The following LRBA variants were observed in gnomAD, a reference collection of about 807,000 sequenced individuals.
The protein encoded by LRBA is lipopolysaccharide-responsive and beige-like anchor protein.
A neutral mutation model predicts 330.0 loss-of-function variants in LRBA; 176 were observed. The ratio of observed to expected loss-of-function variants is 0.53; its 90% confidence interval spans 0.47 to 0.60. The LOEUF (loss-of-function observed/expected upper bound fraction) is 0.60, where lower values mean the gene tolerates loss of function less well. Ranked by LOEUF, LRBA falls within the 20% of genes least tolerant of loss-of-function variation. The probability of loss-of-function intolerance (pLI) is 0.00; values close to 1 mark genes in which losing one functional copy is unlikely to be tolerated. For missense variants in LRBA, 3,259 were observed against 3,444.8 expected (o/e 0.95, Z 1.35); for synonymous variants, 1,230 against 1,193.0 (o/e 1.03, Z -0.64).
At chr4:150,681,018 A>G (rs1350463848) in intron 37 of LRBA, among the ~76,000 whole-genome samples, 1 of 152,236 alleles carries the variant, frequency 6.6e-6, no homozygotes, top group African/African-American at 2.4e-5. Flanking sequence ...TGAAATTTCT[A>G]AATATTCTAA....
intron 40 of LRBA, among the ~76,000 whole-genome samples, chr4:150,564,451 C>T (rs543708332): frequency 1.3e-5 from 2 of 152,222 alleles, no homozygotes; most frequent in Admixed American, 1.3e-4. Flanking sequence ...AAAACCTAGG[C>T]AATACCATTC....
chr4:150,516,310 C>T (rs1404044539), intron 40 of LRBA, among the ~76,000 whole-genome samples: 2 of 130,116 alleles, frequency 1.5e-5, no homozygotes, highest in South Asian at 2.4e-4. Context: ...AACACATATG[C>T]AAAGCACCTA....
intron 34 of LRBA, among the ~76,000 whole-genome samples, chr4:150,781,825 A>G (rs1195954727): frequency 6.6e-6 from 1 of 152,114 alleles, no homozygotes; most frequent in East Asian, 1.9e-4. Context: ...TCCTACTTTA[A>G]AAGTAGGGAC....
At chr4:150,506,781 T>A (rs1406792347) in intron 40 of LRBA, among the ~76,000 whole-genome samples, 1 of 152,104 alleles carries the variant, frequency 6.6e-6, no homozygotes, top group Non-Finnish European at 1.5e-5. Context: ...AAAGAGGAAG[T>A]CAAACTGCCC....
chr4:150,367,531 C>A (rs1034006273), intron 47 of LRBA, among the ~76,000 whole-genome samples: 1 of 152,192 alleles, frequency 6.6e-6, no homozygotes, highest in Non-Finnish European at 1.5e-5. Flanking sequence ...ACCCCTCCCC[C>A]AAAAACAGGT....
intron 37 of LRBA, among the ~76,000 whole-genome samples, chr4:150,661,290 G>T (rs192580426): frequency 1.9e-3 from 287 of 151,396 alleles, no homozygotes; most frequent in Non-Finnish European, 2.7e-3. Context: ...GGGCAACATG[G>T]TAAGACCCCA....
chr4:150,843,972 C>A, intron 28 of LRBA, 128 bp downstream of exon 28: 2 of 562,436 alleles, frequency 3.6e-6, no homozygotes, highest in Admixed American at 5.2e-5. Flanking sequence ...CAAAAGAAGT[C>A]GTTTCTAGAC....
intron 40 of LRBA, among the ~76,000 whole-genome samples, chr4:150,528,500 CAAA>C (rs5862924): frequency 1.2e-4 from 16 of 135,890 alleles, no homozygotes; most frequent in Non-Finnish European, 1.2e-4. Context: ...GACTTCATCT[CAAA>C]AAAAAAAAAA....
chr4:150,895,457 C>T (rs565543678), intron 16 of LRBA, among the ~76,000 whole-genome samples: 96 of 152,098 alleles, frequency 6.3e-4, no homozygotes, highest in African/African-American at 2.2e-3. Flanking sequence ...CAACAGGCCC[C>T]GGTGTGTGAT....
intron 37 of LRBA, among the ~76,000 whole-genome samples, chr4:150,660,423 T>G: frequency 7.1e-6 from 1 of 140,430 alleles, no homozygotes; most frequent in Non-Finnish European, 1.6e-5. Context: ...CGGCTGCCCC[T>G]ACTGGGAAGT....
chr4:150,801,910 C>A (rs1052057613), intron 33 of LRBA, among the ~76,000 whole-genome samples: 1 of 151,938 alleles, frequency 6.6e-6, no homozygotes, highest in Non-Finnish European at 1.5e-5. Context: ...GTGGCTCATG[C>A]CTGTAATCCC....
At chr4:150,887,771 AAAAAAAAAAAAAAAAG>A (rs1375010090) in intron 17 of LRBA, among the ~76,000 whole-genome samples, 2 of 138,078 alleles carry the variant, frequency 1.4e-5, no homozygotes, top group African/African-American at 5.9e-5. Flanking sequence ...TCCGTCTCAA[AAAAAAAAAAAAAAAAG>A]AAAGAAAAAA....
At chr4:150,539,921 A>G (rs898080317) in intron 40 of LRBA, among the ~76,000 whole-genome samples, 1 of 152,232 alleles carries the variant, frequency 6.6e-6, no homozygotes, top group Non-Finnish European at 1.5e-5. Flanking sequence ...TAAAGGAATA[A>G]AAACATTTAT....
intron 31 of LRBA, among the ~76,000 whole-genome samples, chr4:150,815,478 CA>C (rs1308026300): frequency 3.3e-5 from 5 of 151,854 alleles, no homozygotes; most frequent in African/African-American, 1.2e-4. Context: ...GAGAGAATGA[CA>C]GGGTATTTGA....
At chr4:150,488,103 A>G (rs1397116655) in intron 41 of LRBA, among the ~76,000 whole-genome samples, 1 of 151,598 alleles carries the variant, frequency 6.6e-6, no homozygotes, top group Admixed American at 6.6e-5. Flanking sequence ...ATATGACATG[A>G]AGTTGAGATT....
chr4:150,928,237 C>T (rs760645664), intron 4 of LRBA, among the ~76,000 whole-genome samples: 7 of 152,190 alleles, frequency 4.6e-5, no homozygotes, highest in Non-Finnish European at 1.0e-4. Context: ...TCTTTCTCTA[C>T]ATTTATCTTT....
At chr4:151,002,724 T>A (rs1743516339) in intron 2 of LRBA, among the ~76,000 whole-genome samples, 1 of 151,538 alleles carries the variant, frequency 6.6e-6, no homozygotes, top group Non-Finnish European at 1.5e-5. Context: ...TACTGAAGAA[T>A]TAAATGGCCA....
At chr4:150,472,761 C>T (rs1756288614) in intron 42 of LRBA, among the ~76,000 whole-genome samples, 1 of 152,080 alleles carries the variant, frequency 6.6e-6, no homozygotes, top group Non-Finnish European at 1.5e-5. Flanking sequence ...TCTTTTGTGT[C>T]AGGTTTCTTT....
intron 37 of LRBA, among the ~76,000 whole-genome samples, chr4:150,648,175 A>AAAAAAAAAAAAAAAAAAAAAAG (rs1561468460): frequency 6.8e-6 from 1 of 146,324 alleles, no homozygotes; most frequent in Admixed American, 6.9e-5. Context: ...AAAAAAAAAA[A>AAAAAAAAAAAAAAAAAAAAAAG]AACTAGAAAA....
Sources: gnomAD v4.1 joint callset for allele counts (sites outside exome capture counted in the v4.1 genomes callset) on GRCh38, gnomAD v4.1.1 for gene constraint, MANE v1.5 for transcripts, NCBI Gene and HGNC (gene_info 2026-07-23, HGNC 2026-07-21) for gene names.